EPB41: variants seen among roughly 807,000 people sequenced by gnomAD.
EPB41 encodes erythrocyte membrane protein band 4.1.
A neutral mutation model predicts 108.0 loss-of-function variants in EPB41; 65 were observed. The observed-to-expected ratio is 0.60, with a 90% CI of 0.49 to 0.74. EPB41 has a LOEUF of 0.74. Among genes scored for constraint, EPB41 ranks in the 30% least tolerant of loss-of-function variants. The pLI is 0.00. For missense variants in EPB41, 875 were observed against 1,037.0 expected (o/e 0.84, Z 2.15); for synonymous variants, 336 against 358.9 (o/e 0.94, Z 0.72).
chr1:29,097,674 G>A (rs979583978), intron 16 of EPB41, 133 bp from the exon 17 acceptor site: 22 of 1,088,272 alleles, frequency 2.0e-5, no homozygotes, highest in Non-Finnish European at 2.9e-5. Context: ...TCTTAGGCAG[G>A]GTAAACACCT....
intron 1 of EPB41, among the ~76,000 whole-genome samples, chr1:28,908,082 C>T (rs1200494804): frequency 2.0e-5 from 3 of 151,974 alleles, no homozygotes; most frequent in Non-Finnish European, 4.4e-5. Context: ...TACTGTGTGC[C>T]TGGCACATAG....
rs776185645 is a variant in EPB41, at chr1:28,966,538, CAAT to C, written c.-7-20890_-7-20888del. ...TTACATTCTAGTGGGGGTAGACAAA[CAAT>C]AAACCAAATCAAGTAAAAACCATAT... On this transcript the variant is annotated intron_variant, in intron 1 of 20. Transcript: ENST00000343067. Among the ~76,000 whole-genome samples the C allele has an allele frequency of 2.1e-4, 32 of 152,084 alleles. 1 individual carries two copies. The highest frequency in any genetic ancestry group is 7.2e-4 in the Admixed American group (11 of 15,274).
At chr1:28,937,722 T>C (rs112557592) in intron 1 of EPB41, among the ~76,000 whole-genome samples, 1 of 152,200 alleles carries the variant, frequency 6.6e-6, no homozygotes, top group Non-Finnish European at 1.5e-5. Flanking sequence ...GTCCAATTTA[T>C]AAAAAAATTT....
intron 1 of EPB41, among the ~76,000 whole-genome samples, chr1:28,936,102 A>G (rs1014788108): frequency 1.3e-5 from 2 of 152,136 alleles, no homozygotes; most frequent in African/African-American, 4.8e-5. Flanking sequence ...TTCCAAGTCT[A>G]ATTCCCACTT....
chr1:28,926,156 C>T (rs961017108), intron 1 of EPB41, among the ~76,000 whole-genome samples: 1 of 149,074 alleles, frequency 6.7e-6, no homozygotes, highest in Non-Finnish European at 1.5e-5. Context: ...GCCAGCCTGG[C>T]CAAACATGGT....
At chr1:29,014,793 T>C (rs1017205424) in intron 5 of EPB41, among the ~76,000 whole-genome samples, 69 of 152,236 alleles carry the variant, frequency 4.5e-4, no homozygotes, top group Non-Finnish European at 1.2e-4. Flanking sequence ...GCAACCAATC[T>C]TTTTTGTTTA....
intron 1 of EPB41, among the ~76,000 whole-genome samples, chr1:28,951,285 C>G (rs1320196527): frequency 6.6e-6 from 1 of 151,494 alleles, no homozygotes; most frequent in African/African-American, 2.4e-5. Context: ...CCTGTAGTCA[C>G]AGTTAAGAGG....
intron 1 of EPB41, among the ~76,000 whole-genome samples, chr1:28,906,495 C>T (rs562672672): frequency 7.9e-5 from 12 of 152,288 alleles, no homozygotes; most frequent in Admixed American, 6.5e-4. Flanking sequence ...GGATCAGGGT[C>T]ATTAGGCTCA....
chr1:28,894,940 C>T (rs553523010), intron 1 of EPB41, among the ~76,000 whole-genome samples: 6 of 152,186 alleles, frequency 3.9e-5, no homozygotes, highest in Non-Finnish European at 8.8e-5. Flanking sequence ...AGCCCCTGAA[C>T]TTCCCAGCAG....
chr1:28,910,905 G>T, upstream of EPB41: 1 of 896,100 alleles, frequency 1.1e-6, no homozygotes, highest in Non-Finnish European at 1.3e-6. Context: ...TGGTCCTTAG[G>T]GACCCCATCC....
rs1490748393 is a variant in EPB41, at chr1:28,987,569, A to G, written c.132A>G (p.Glu44=). ...QQEESCQTAA[E]GDNWCEQKLK... ...AGGAATCTTGTCAAACAGCAGCTGA[A>G]GGAGATAATTGGTGTGAACAGAAGC... Residue 44 remains glutamate (E), a synonymous_variant, in exon 2 of 21, where the codon GAA becomes GAG. Coordinates refer to ENST00000343067, the MANE Select transcript of EPB41 (RefSeq NM_001376013.1). 1.9e-6 allele frequency: 3 copies of G among 1,614,206 alleles called. No individual in the cohort carries two copies. The highest frequency in any genetic ancestry group is 3.3e-5 in the Admixed American group (2 of 60,022).
At chr1:29,023,645 C>A (rs1242772508) in intron 7 of EPB41, among the ~76,000 whole-genome samples, 1 of 151,752 alleles carries the variant, frequency 6.6e-6, no homozygotes, top group Non-Finnish European at 1.5e-5. Flanking sequence ...CGAGATCATG[C>A]CATTGTACTC....
At chr1:28,890,688 G>A (rs2090022515) in intron 1 of EPB41, among the ~76,000 whole-genome samples, 1 of 152,200 alleles carries the variant, frequency 6.6e-6, no homozygotes, top group Non-Finnish European at 1.5e-5. Flanking sequence ...TTAATACGCT[G>A]CATTAACTCA....
chr1:28,980,572 C>T (rs2095713682), intron 1 of EPB41, among the ~76,000 whole-genome samples: 1 of 150,390 alleles, frequency 6.6e-6, no homozygotes, highest in African/African-American at 2.5e-5. Context: ...TTTTAATTAG[C>T]TGGGCATGGT....
chr1:29,073,391 C>T lies in EPB41; in HGVS notation c.2184+8233C>T, dbSNP rs538191884. On this transcript the variant is annotated intron_variant, in intron 16 of 20. Transcript: ENST00000343067. The stretch of plus-strand genomic sequence containing the variant: ...TCCACCTAGTAATGTGGAGACAAAC[C>T]TACTTCATGAGAATGAATACGTAAT... Among the ~76,000 whole-genome samples the T allele has an allele frequency of 2.9e-3, 442 of 152,194 alleles. 3 individuals carry two copies. The highest frequency in any genetic ancestry group is 0.01 in the African/African-American group (424 of 41,534).
chr1:28,962,579 T>G (rs1250092279), intron 1 of EPB41, among the ~76,000 whole-genome samples: 1 of 152,198 alleles, frequency 6.6e-6, no homozygotes, highest in African/African-American at 2.4e-5. Flanking sequence ...TTCCCCATTC[T>G]GGTTTTCCCC....
intron 16 of EPB41, chr1:29,072,554 C>A (rs1651952032): frequency 6.6e-6 from 1 of 152,068 alleles, no homozygotes; most frequent in Admixed American, 6.6e-5. Context: ...TATTCCAAGT[C>A]CATTAAAAGT....
chr1:29,073,638 G>A (rs1409836111), intron 16 of EPB41, among the ~76,000 whole-genome samples: 1 of 152,008 alleles, frequency 6.6e-6, no homozygotes, highest in African/African-American at 2.4e-5. Context: ...TTATCCAAAT[G>A]GTATGATTAG....
At chr1:28,924,755 T>G (rs1022352520) in intron 1 of EPB41, among the ~76,000 whole-genome samples, 1 of 152,184 alleles carries the variant, frequency 6.6e-6, no homozygotes, top group African/African-American at 2.4e-5. Flanking sequence ...ATAAGTACAT[T>G]GGGACATAGC....
Sources: gnomAD v4.1 joint callset for allele counts (sites outside exome capture counted in the v4.1 genomes callset) on GRCh38, gnomAD v4.1.1 for gene constraint, MANE v1.5 for transcripts, NCBI Gene and HGNC (gene_info 2026-07-23, HGNC 2026-07-21) for gene names.